GAN: variants seen among roughly 807,000 people sequenced by gnomAD.
GAN encodes the protein epididymis secretory sperm binding protein.
In GAN, 48 loss-of-function variants were observed where a neutral mutation model predicts 71.3. The ratio of observed to expected loss-of-function variants is 0.67; its 90% CI spans 0.53 to 0.86. The LOEUF (loss-of-function observed/expected upper bound fraction) is 0.86. GAN is among the 40% of genes least tolerant of loss of function. The pLI, the probability that GAN is intolerant of heterozygous loss-of-function variation, is 0.00. For synonymous variants in GAN, 386 were observed against 276.8 expected (o/e 1.39, Z -3.92); for missense variants, 928 against 770.1 (o/e 1.21, Z -2.43).
rs187187485 is a variant in GAN at position 81,371,633 on chromosome 16, C to G, written c.1503-5586C>G. 3.0e-4 allele frequency among the ~76,000 whole-genome samples: 45 copies of G among 152,246 alleles called. No individual in the cohort carries two copies. The East Asian group carries it at 8.5e-3, about 29-fold the overall frequency. Reference sequence around the variant, plus strand: ...TGCGCACAAATTGAGGGGTGCTTCTCTACCTCTCCTCTTTCTCAGGTTCTC... The same window carrying G: ...TGCGCACAAATTGAGGGGTGCTTCTGTACCTCTCCTCTTTCTCAGGTTCTC... On this transcript the variant is annotated intron_variant, in intron 9 of 10. Coordinates refer to ENST00000648994, the MANE Select transcript of GAN (RefSeq NM_022041.4).
At chr16:81,317,169 A>C (rs1292423293) in intron 1 of GAN, among the ~76,000 whole-genome samples, 1 of 152,254 alleles carries the variant, frequency 6.6e-6, no homozygotes, top group East Asian at 1.9e-4. Context: ...GTTTTCTTTT[A>C]TTCACTGCTT....
chr16:81,347,631 C>T (rs1426669657), intron 1 of GAN, among the ~76,000 whole-genome samples: 1 of 151,944 alleles, frequency 6.6e-6, no homozygotes, highest in Non-Finnish European at 1.5e-5. Flanking sequence ...TGTCTTTGTT[C>T]CCCCCTGCCA....
rs1292687139 is a variant in GAN at position 81,390,714 on chromosome 16, TA to T, written c.*13123del. The T allele has an allele frequency of 6.6e-6, 1 of 152,222 alleles. No homozygotes were observed. Among genetic ancestry groups the T allele is most frequent in the Non-Finnish European group, 1.5e-5 (1 of 68,038 alleles). The allele number at this position is 152,222 out of a possible 1,614,324, so 9.4% of individuals were successfully genotyped here. A position where few individuals can be genotyped will look rare whatever the true frequency, so the allele number is the denominator to read the frequency against. ...TTGTTTTATGTATTGGAAGTTCACT[TA>T]AAAACTTGAAATATTTTCTAGAAGG... On this transcript the variant is annotated 3_prime_UTR_variant, in exon 11 of 11. Transcript: ENST00000648994.
rs533036499 is a variant in GAN at position 81,388,976 on chromosome 16, A to T, written c.*11380A>T. On this transcript the variant is annotated 3_prime_UTR_variant, in exon 11 of 11. Coordinates refer to ENST00000648994, the MANE Select transcript of GAN (RefSeq NM_022041.4). ...TTGAAATTGACTTATGTTTTATTTTAAAAAATCATGTAGGATCTGGTACAT... is the reference window on the plus strand; with the variant it reads ...TTGAAATTGACTTATGTTTTATTTTTAAAAATCATGTAGGATCTGGTACAT... 4 of 152,336 alleles carry T rather than the reference A, an allele frequency of 2.6e-5. No individual in the cohort carries two copies. Among genetic ancestry groups the T allele is most frequent in the South Asian group, 2.1e-4 (1 of 4,830 alleles). The allele number at this position is 152,336 out of a possible 1,614,324, so 9.4% of individuals were successfully genotyped here. A position where few individuals can be genotyped will look rare whatever the true frequency, so the allele number is the denominator to read the frequency against.
intron 1 of GAN, among the ~76,000 whole-genome samples, chr16:81,315,745 T>G (rs1909015994): frequency 6.6e-6 from 1 of 152,186 alleles, no homozygotes; most frequent in Admixed American, 6.5e-5. Context: ...CGCCTCTGAA[T>G]CCACGCGCGG....
In GAN at chr16:81,387,250, G is replaced by C. The variant is rs1904429405; in HGVS notation, c.*9654G>C. 1 of 152,144 alleles carries C rather than the reference G, an allele frequency of 6.6e-6. No homozygotes were observed. Among genetic ancestry groups the C allele is most frequent in the African/African-American group, 2.4e-5 (1 of 41,450 alleles). 9.4% of individuals were successfully genotyped at this position (152,144 alleles called of 1,614,324 possible). ...AAGCACGTTGCTATATGAAATTTCA[G>C]AAAAAAGTTTTGTTGCGGGGGGTGG... On this transcript the variant is annotated 3_prime_UTR_variant, in exon 11 of 11. Transcript: ENST00000648994.
chr16:81,334,440 A>G lies in GAN; in HGVS notation c.168-17143A>G, dbSNP rs139048451. Among the ~76,000 whole-genome samples, 81 of 152,268 alleles carry G rather than the reference A, an allele frequency of 5.3e-4. 1 individual carries two copies. Among genetic ancestry groups the G allele is most frequent in the South Asian group, 1.7e-3 (8 of 4,822 alleles). On this transcript the variant is annotated intron_variant, in intron 1 of 10. Transcript: ENST00000648994. Reference sequence around the variant, plus strand: ...CTGAAACCTTTCCTGACTTTTCACTACATTGCATCTCCGAATCTTCCCAGG... The same window carrying G: ...CTGAAACCTTTCCTGACTTTTCACTGCATTGCATCTCCGAATCTTCCCAGG...
At chr16:81,328,557 G>A (rs185358912) in intron 1 of GAN, among the ~76,000 whole-genome samples, 11 of 152,194 alleles carry the variant, frequency 7.2e-5, no homozygotes, top group Non-Finnish European at 1.6e-4. Flanking sequence ...CAGATCTGAA[G>A]ATAGAAACAG....
In GAN at chr16:81,372,563, C is replaced by T. The variant is rs1477798095; in HGVS notation, c.1503-4656C>T. On this transcript the variant is annotated intron_variant, in intron 9 of 10. Transcript: ENST00000648994. ...AGTTCTGTTTCATTTGAAGCCTTGT[C>T]TTTACCTAAAATAGATCACCTACGC... Among the ~76,000 whole-genome samples the T allele has an allele frequency of 1.6e-4, 25 of 152,188 alleles. 1 individual carries two copies. The highest frequency in any genetic ancestry group is 1.6e-3 in the Admixed American group (25 of 15,280).
intron 9 of GAN, among the ~76,000 whole-genome samples, chr16:81,369,072 C>A (rs193219544): frequency 1.1e-3 from 172 of 152,318 alleles, no homozygotes; most frequent in Admixed American, 3.6e-3. Flanking sequence ...TCCGTGCATT[C>A]GCTTAGCCTA....
At chr16:81,368,555 G>T (rs1597408937) in intron 9 of GAN, among the ~76,000 whole-genome samples, 1 of 152,302 alleles carries the variant, frequency 6.6e-6, no homozygotes, top group East Asian at 1.9e-4. Flanking sequence ...AGCTGCAGTA[G>T]ACCATGATCG....
rs945459994 is a variant in GAN at position 81,386,132 on chromosome 16, A to T, written c.*8536A>T. 6.6e-6 allele frequency: 1 copy of T among 152,194 alleles called. No individual in the cohort carries two copies. Among genetic ancestry groups the T allele is most frequent in the African/African-American group, 2.4e-5 (1 of 41,446 alleles). The allele number at this position is 152,194 out of a possible 1,614,324, so 9.4% of individuals were successfully genotyped here. A position where few individuals can be genotyped will look rare whatever the true frequency, so the allele number is the denominator to read the frequency against. ...TTCAACACAATTCTAGATAGCTGAA[A>T]CAGCCCAAAATATGTGTTTAGAATA... On this transcript the variant is annotated 3_prime_UTR_variant, in exon 11 of 11. Transcript: ENST00000648994.
At chr16:81,319,419 G>T (rs1336470842) in intron 1 of GAN, among the ~76,000 whole-genome samples, 1 of 151,888 alleles carries the variant, frequency 6.6e-6, no homozygotes, top group Non-Finnish European at 1.5e-5. Context: ...CAGTCCCATT[G>T]ATCTGATGCA....
intron 7 of GAN, 27 bp from the exon 8 acceptor site, chr16:81,364,947 T>C (rs777636854): frequency 6.2e-7 from 1 of 1,611,996 alleles, no homozygotes; most frequent in Non-Finnish European, 8.5e-7. Context: ...ATGTTGCCTC[T>C]CCCCCACCAT....
In GAN at chr16:81,379,752, A is replaced by G. The variant is rs1021006166; in HGVS notation, c.*2156A>G. 1 of 152,184 alleles carries G rather than the reference A, an allele frequency of 6.6e-6. No homozygotes were observed. Among genetic ancestry groups the G allele is most frequent in the African/African-American group, 2.4e-5 (1 of 41,440 alleles). The allele number at this position is 152,184 out of a possible 1,614,324, so 9.4% of individuals were successfully genotyped here. A position where few individuals can be genotyped will look rare whatever the true frequency, so the allele number is the denominator to read the frequency against. ...TAACTGACATCCAGTTAAAGCCACG[A>G]TCGTCAGCAATTCTCCTTTTTTAAT... is the stretch of plus-strand genomic sequence containing the variant. On this transcript the variant is annotated 3_prime_UTR_variant, in exon 11 of 11. Transcript: ENST00000648994.
chr16:81,348,839 C>T (rs1462419715), intron 1 of GAN, among the ~76,000 whole-genome samples: 1 of 152,164 alleles, frequency 6.6e-6, no homozygotes. Context: ...TGATCAAGTC[C>T]TCCAGAAGAG....
At chr16:81,317,667 C>T (rs1286993949) in intron 1 of GAN, among the ~76,000 whole-genome samples, 1 of 152,230 alleles carries the variant, frequency 6.6e-6, no homozygotes, top group South Asian at 2.1e-4. Context: ...TAGGATTAGA[C>T]TCCAAATTAA....
At chr16:81,318,532 A>G (rs1015213395) in intron 1 of GAN, among the ~76,000 whole-genome samples, 2 of 152,186 alleles carry the variant, frequency 1.3e-5, no homozygotes, top group African/African-American at 4.8e-5. Context: ...AAATAGGAGC[A>G]GTATTGTCTT....
Position 81,384,249 on chromosome 16 carries a change from A to T in GAN, c.*6653A>T, listed in dbSNP as rs914544895. The T allele has an allele frequency of 6.6e-6, 1 of 151,776 alleles. No homozygotes were observed. The highest frequency in any genetic ancestry group is 1.9e-4 in the East Asian group (1 of 5,164). 9.4% of individuals were successfully genotyped at this position (151,776 alleles called of 1,614,324 possible). A position where few individuals can be genotyped will look rare whatever the true frequency, so the allele number is the denominator to read the frequency against. Reference sequence around the variant, plus strand: ...AACAAAAGCTTGGAAGCAGGCAGTCAGAGGCCTTGAGGAATACAATTCTCT... The same window carrying T: ...AACAAAAGCTTGGAAGCAGGCAGTCTGAGGCCTTGAGGAATACAATTCTCT... On this transcript the variant is annotated 3_prime_UTR_variant, in exon 11 of 11. Coordinates refer to ENST00000648994, the MANE Select transcript of GAN (RefSeq NM_022041.4).
Sources: gnomAD v4.1 joint callset for allele counts (sites outside exome capture counted in the v4.1 genomes callset) on GRCh38, gnomAD v4.1.1 for gene constraint, MANE v1.5 for transcripts, NCBI Gene and HGNC (gene_info 2026-07-23, HGNC 2026-07-21) for gene names.